CEP128: variants seen among roughly 807,000 people sequenced by gnomAD.
The protein encoded by CEP128 is centrosomal protein 128.
In CEP128, 132 loss-of-function variants were observed where a neutral mutation model predicts 156.7. The ratio of observed to expected loss-of-function variants is 0.84; its 90% CI spans 0.73 to 0.97. The LOEUF (loss-of-function observed/expected upper bound fraction) is 0.97. CEP128 is among the 50% of genes least tolerant of loss of function. CEP128 has a pLI of 0.00. For missense variants in CEP128, 1,252 were observed against 1,281.9 expected (o/e 0.98, Z 0.36); for synonymous variants, 469 against 448.9 (o/e 1.04, Z -0.57).
chr14:80,877,028 C>A (rs1162752850), intron 8 of CEP128, among the ~76,000 whole-genome samples: 1 of 151,994 alleles, frequency 6.6e-6, no homozygotes, highest in East Asian at 1.9e-4. Flanking sequence ...AACAAAATAG[C>A]ATAAAAGTGA....
At chr14:80,766,250 C>A (rs955596547) in intron 16 of CEP128, among the ~76,000 whole-genome samples, 5 of 152,112 alleles carry the variant, frequency 3.3e-5, no homozygotes, top group African/African-American at 1.2e-4. Context: ...TATGAAGCTT[C>A]TATTTTAGGA....
intron 8 of CEP128, among the ~76,000 whole-genome samples, chr14:80,867,898 C>A (rs963431713): frequency 6.6e-6 from 1 of 152,252 alleles, no homozygotes; most frequent in Non-Finnish European, 1.5e-5. Context: ...AGAGATCTTA[C>A]TGAAACGCAC....
chr14:80,623,692 A>G (rs66523962), intron 19 of CEP128, among the ~76,000 whole-genome samples: 73,534 of 151,602 alleles, frequency 0.49, 20,224 homozygotes, highest in Non-Finnish European at 0.59. Flanking sequence ...CATTAAAAAA[A>G]GCAAATAACT....
Position 80,914,374 on chromosome 14 carries a change from A to G in CEP128, c.182T>C (p.Met61Thr), listed in dbSNP as rs746098626. ...ACTGTATTCTCGGTATCGTCCAAGC[A>G]TCTGGTCCACTTGTCGCAGGTTCCG... The part of the protein sequence containing the change: ...TSRNLRQVDQ[M>T]LGRYREYSNG... Residue 61 changes from methionine to threonine, a missense_variant, in exon 4 of 25, where the codon ATG becomes ACG. Met to Thr is a moderately conservative substitution (Grantham distance 81, BLOSUM62 -1). Transcript: ENST00000555265. The G allele has an allele frequency of 1.2e-6, 2 of 1,613,872 alleles. No individual in the cohort carries two copies. The highest frequency in any genetic ancestry group is 2.7e-5 in the African/African-American group (2 of 74,910).
At chr14:80,899,460 G>A (rs895123593) in intron 7 of CEP128, among the ~76,000 whole-genome samples, 2 of 152,180 alleles carry the variant, frequency 1.3e-5, no homozygotes, top group African/African-American at 4.8e-5. Context: ...ATCCAGAATT[G>A]ACAAAATTGT....
chr14:80,760,358 A>C (rs1899896737), intron 17 of CEP128, among the ~76,000 whole-genome samples: 1 of 152,112 alleles, frequency 6.6e-6, no homozygotes, highest in South Asian at 2.1e-4. Context: ...CATTAAAGAC[A>C]AATTCTAAAA....
intron 18 of CEP128, among the ~76,000 whole-genome samples, chr14:80,750,507 C>T (rs772690463): frequency 2.6e-5 from 4 of 152,114 alleles, no homozygotes; most frequent in Non-Finnish European, 5.9e-5. Flanking sequence ...TTTTAATAAC[C>T]CATGTGGTCC....
chr14:80,663,162 T>A (rs1157074250), intron 19 of CEP128, among the ~76,000 whole-genome samples: 3 of 152,180 alleles, frequency 2.0e-5, no homozygotes, highest in African/African-American at 7.2e-5. Flanking sequence ...GCAGGCTCTC[T>A]AGGATATTGT....
intron 13 of CEP128, among the ~76,000 whole-genome samples, chr14:80,828,125 T>TTTC (rs1425732778): frequency 9.4e-6 from 1 of 106,918 alleles, no homozygotes; most frequent in African/African-American, 3.4e-5. Context: ...TCTTTTTTCT[T>TTTC]TTTTTTTTTT....
chr14:80,726,839 A>C (rs1476935122), intron 19 of CEP128, among the ~76,000 whole-genome samples: 1 of 152,236 alleles, frequency 6.6e-6, no homozygotes, highest in East Asian at 1.9e-4. Flanking sequence ...CATAATTATT[A>C]ATATTTTACA....
chr14:80,922,938 C>G (rs564888517), intron 2 of CEP128, among the ~76,000 whole-genome samples: 2 of 152,300 alleles, frequency 1.3e-5, no homozygotes, highest in South Asian at 4.1e-4. Context: ...TCTTCTGCAG[C>G]TTACTACCAC....
chr14:80,828,163 G>A (rs1437712516), intron 13 of CEP128, among the ~76,000 whole-genome samples: 2 of 132,010 alleles, frequency 1.5e-5, no homozygotes, highest in East Asian at 2.1e-4. Context: ...TCACTCTGTC[G>A]CCCATTCTGG....
chr14:80,854,986 A>G (rs955949583), intron 9 of CEP128, among the ~76,000 whole-genome samples: 1 of 152,216 alleles, frequency 6.6e-6, no homozygotes, highest in African/African-American at 2.4e-5. Flanking sequence ...TGCCATCTTT[A>G]CAGAAGAAGA....
At chr14:80,825,955 A>G (rs528186367) in intron 13 of CEP128, among the ~76,000 whole-genome samples, 2 of 151,894 alleles carry the variant, frequency 1.3e-5, no homozygotes, top group South Asian at 4.2e-4. Flanking sequence ...AAAATACAAA[A>G]ATTAGCCAGG....
chr14:80,786,020 A>G (rs1489258067), intron 14 of CEP128, among the ~76,000 whole-genome samples: 1 of 152,178 alleles, frequency 6.6e-6, no homozygotes, highest in Non-Finnish European at 1.5e-5. Context: ...CAATACAAGA[A>G]AGTTTACGGT....
intron 9 of CEP128, among the ~76,000 whole-genome samples, chr14:80,843,337 C>T (rs2140092302): frequency 6.6e-6 from 1 of 152,166 alleles, no homozygotes; most frequent in East Asian, 1.9e-4. Context: ...AAATTATAAA[C>T]ATAACCTATC....
chr14:80,695,713 CA>C (rs772118868), intron 19 of CEP128, among the ~76,000 whole-genome samples: 385 of 99,316 alleles, frequency 3.9e-3, no homozygotes, highest in Middle Eastern at 0.03. Context: ...GACTCCATCT[CA>C]AAAAAAAAAA....
At chr14:80,674,038 G>T (rs79979438) in intron 19 of CEP128, among the ~76,000 whole-genome samples, 5,676 of 151,252 alleles carry the variant, frequency 0.038, 221 homozygotes, top group East Asian at 0.22. Context: ...TTAGACAAAA[G>T]AATTTTTCAG....
chr14:80,535,091 G>A (rs1438525508), intron 21 of CEP128, among the ~76,000 whole-genome samples: 1 of 152,148 alleles, frequency 6.6e-6, no homozygotes, highest in African/African-American at 2.4e-5. Context: ...CAGATGATCA[G>A]TTAATCTTAA....
Sources: gnomAD v4.1 joint callset for allele counts (sites outside exome capture counted in the v4.1 genomes callset) on GRCh38, gnomAD v4.1.1 for gene constraint, MANE v1.5 for transcripts, NCBI Gene and HGNC (gene_info 2026-07-23, HGNC 2026-07-21) for gene names.